FLNB: variants seen among roughly 807,000 people sequenced by gnomAD.
The protein encoded by FLNB is filamin-B.
In FLNB, 111 loss-of-function variants were observed where a neutral mutation model predicts 250.6. The observed-to-expected ratio is 0.44, with a 90% CI of 0.38 to 0.52. The LOEUF (loss-of-function observed/expected upper bound fraction) is 0.52, where lower values mean the gene tolerates loss of function less well. FLNB is among the 20% of genes least tolerant of loss of function. The probability of loss-of-function intolerance (pLI) is 0.00; values close to 1 mark genes in which losing one functional copy is unlikely to be tolerated. For synonymous variants in FLNB, 1,302 were observed against 1,372.1 expected, an observed-to-expected ratio of 0.95 and a Z score of 1.13; for missense variants, 2,869 against 3,447.8, an observed-to-expected ratio of 0.83 and a Z score of 4.20.
At chr3:58,087,250 T>C (rs2097218757) in intron 4 of FLNB, among the ~76,000 whole-genome samples, 1 of 152,186 alleles carries the variant, frequency 6.6e-6, no homozygotes, top group Admixed American at 6.5e-5. Context: ...TTATATGGTA[T>C]CGATATTGTG....
intron 14 of FLNB, 72 bp from the exon 15 acceptor site, chr3:58,109,504 A>T: frequency 6.2e-7 from 1 of 1,611,054 alleles, no homozygotes. Flanking sequence ...TATTTCTAAC[A>T]ATGTTTTTTA....
At chr3:58,112,045 T>C in intron 17 of FLNB, 104 bp from the exon 18 acceptor site, 1 of 1,261,800 alleles carries the variant, frequency 7.9e-7, no homozygotes, top group Non-Finnish European at 1.2e-6. Flanking sequence ...GGCCCGTTGC[T>C]GGCTGTCATA....
At chr3:58,084,969 GT>G (rs1282996387) in intron 4 of FLNB, among the ~76,000 whole-genome samples, 4 of 152,110 alleles carry the variant, frequency 2.6e-5, no homozygotes, top group Non-Finnish European at 5.9e-5. Context: ...TTTGTCATAT[GT>G]TTTCAGGGTT....
In FLNB at chr3:58,136,125, C is replaced by G. The variant is rs774972522; in HGVS notation, c.4818C>G (p.Ile1606Met). The change falls in exon 28 of 46, where the codon ATC (isoleucine) becomes ATG (methionine). Residue 1606 changes from isoleucine to methionine, a missense_variant. Physicochemically the swap from Ile to Met is conservative, Grantham distance 10. Around this residue, in one of 5 missense-constraint regions of FLNB, gnomAD observed 126 missense variants for 182.0 expected, o/e 0.69. Coordinates refer to ENST00000295956, the MANE Select transcript of FLNB (RefSeq NM_001457.4). ...ACATCCCACTTTCTCCTTATCGCAT[C>G]CGAGCCACACAGACGGGTGATGCCA... ...GDDIPLSPYR[I>M]RATQTGDASK... The G allele has an allele frequency of 4.4e-5, 71 of 1,614,202 alleles. No homozygotes were observed. The East Asian group carries it at 1.6e-3, about 36-fold the overall frequency.
At chr3:58,149,570 G>C (rs1314564978) in intron 36 of FLNB, 7 of 495,296 alleles carry the variant, frequency 1.4e-5, no homozygotes, top group Non-Finnish European at 2.6e-5. Context: ...CTCCCCAGCA[G>C]TTTGTACGGG....
At chr3:58,099,571 AACTGT>A in intron 8 of FLNB, among the ~76,000 whole-genome samples, 1 of 150,962 alleles carries the variant, frequency 6.6e-6, no homozygotes, top group Non-Finnish European at 1.5e-5. Context: ...TTTGTTTTCC[AACTGT>A]ACTACCTTTT....
chr3:58,100,385 T>TATATATATATATA (rs71091344), intron 8 of FLNB, among the ~76,000 whole-genome samples: 3 of 128,100 alleles, frequency 2.3e-5, no homozygotes, highest in Non-Finnish European at 3.2e-5. Flanking sequence ...TATATATATA[T>TATATATATATATA]TTGCAGGGGC....
chr3:58,162,794 C>T (rs2107318403), intron 42 of FLNB: 1 of 303,050 alleles, frequency 3.3e-6, no homozygotes. Context: ...AGTGGAAAAA[C>T]ATAATTTAAT....
At chr3:58,150,922 AG>A (rs2097343728) in intron 38 of FLNB, 1 of 153,530 alleles carries the variant, frequency 6.5e-6, no homozygotes, top group African/African-American at 2.4e-5. Flanking sequence ...AGCTCTGGAG[AG>A]GGGGTTGTCT....
At chr3:58,098,363 C>T (rs1241241656) in intron 7 of FLNB, among the ~76,000 whole-genome samples, 2 of 152,196 alleles carry the variant, frequency 1.3e-5, no homozygotes, top group Non-Finnish European at 1.5e-5. Flanking sequence ...CAGAGAATCA[C>T]TCTATTGCCC....
At chr3:58,121,561 G>C in intron 20 of FLNB, 58 bp downstream of exon 20, 2 of 1,599,156 alleles carry the variant, frequency 1.3e-6, no homozygotes, top group South Asian at 1.1e-5. Flanking sequence ...TGACACCATA[G>C]TCCTTCTCTG....
chr3:58,149,563 C>T (rs914573425), intron 36 of FLNB: 2 of 482,382 alleles, frequency 4.1e-6, no homozygotes, highest in Admixed American at 3.3e-5. Flanking sequence ...GAAGGTCCTC[C>T]CCAGCAGTTT....
chr3:58,015,725 CCAGT>C (rs1286779427), intron 1 of FLNB, among the ~76,000 whole-genome samples: 2 of 152,022 alleles, frequency 1.3e-5, no homozygotes, highest in African/African-American at 4.8e-5. Context: ...TTCTGCGTTT[CCAGT>C]CAGCTTCAGA....
intron 42 of FLNB, among the ~76,000 whole-genome samples, chr3:58,160,725 G>A (rs2097360067): frequency 6.6e-6 from 1 of 152,130 alleles, no homozygotes; most frequent in Admixed American, 6.5e-5. Context: ...CAGGCATGGT[G>A]GCTCACACCT....
intron 28 of FLNB, among the ~76,000 whole-genome samples, chr3:58,137,791 T>C (rs530279562): frequency 2.0e-5 from 3 of 152,260 alleles, no homozygotes; most frequent in Non-Finnish European, 4.4e-5. Flanking sequence ...TATAAATTCT[T>C]AGAACCTTTG....
Position 58,143,328 on chromosome 3 carries a change from C to T in FLNB, c.5285-145C>T. The T allele has an allele frequency of 3.7e-6, 3 of 819,288 alleles. No individual in the cohort carries two copies. The East Asian group carries it at 8.0e-5, about 22-fold the overall frequency. 50.8% of individuals were successfully genotyped at this position (819,288 alleles called of 1,614,324 possible). A position where few individuals can be genotyped will look rare whatever the true frequency, so the allele number is the denominator to read the frequency against. ...AAAGAAAAGAGCAAATGGTCTCTCC[C>T]ATTGTGGGACTTGAATGTTTTAGGC... On this transcript the variant is annotated intron_variant, in intron 31 of 45. Transcript: ENST00000295956.
At chr3:58,155,398 T>C (rs868397489) in intron 40 of FLNB, among the ~76,000 whole-genome samples, 7 of 152,270 alleles carry the variant, frequency 4.6e-5, no homozygotes, top group Admixed American at 6.5e-5. Context: ...ATCATTGATA[T>C]TATAGTACAG....
At chr3:58,017,199 T>A (rs2097106901) in intron 1 of FLNB, among the ~76,000 whole-genome samples, 1 of 152,198 alleles carries the variant, frequency 6.6e-6, no homozygotes, top group African/African-American at 2.4e-5. Flanking sequence ...ACGGAATTAC[T>A]GGGTATTTTA....
At chr3:58,033,519 G>A (rs1292501857) in intron 1 of FLNB, among the ~76,000 whole-genome samples, 4 of 151,946 alleles carry the variant, frequency 2.6e-5, no homozygotes, top group African/African-American at 9.7e-5. Context: ...AGCTTCCCGA[G>A]TAGCAGGGAT....
Sources: allele counts gnomAD v4.1 joint callset (sites outside exome capture counted in the v4.1 genomes callset), GRCh38; gene constraint gnomAD v4.1.1; regional missense constraint gnomAD v4.1.1; transcripts MANE v1.5; gene names NCBI Gene and HGNC (gene_info 2026-07-23, HGNC 2026-07-21).